The following TET2 variants were observed in gnomAD, a reference collection of about 807,000 sequenced individuals.
The protein encoded by TET2 is methylcytosine dioxygenase TET2.
A neutral mutation model predicts 142.9 loss-of-function variants in TET2; 299 were observed. The ratio of observed to expected loss-of-function variants is 2.09; its 90% CI spans 1.90 to 2.30. The LOEUF is 2.30. TET2 is among the 30% of genes most tolerant of loss of function. The probability of loss-of-function intolerance (pLI) is 0.00; values close to 1 mark genes in which losing one functional copy is unlikely to be tolerated. For synonymous variants in TET2, 819 were observed against 849.0 expected (o/e 0.96, Z 0.61); for missense variants, 2,418 against 2,378.0 (o/e 1.02, Z -0.35).
Position 105,276,595 on chromosome 4 carries a change from G to A in TET2, c.*76G>A. 7.0e-7 allele frequency: 1 copy of A among 1,433,514 alleles called. No homozygotes were observed. Among genetic ancestry groups the A allele is most frequent in the Non-Finnish European group, 9.3e-7 (1 of 1,075,814 alleles). The allele number at this position is 1,433,514 out of a possible 1,614,324, so 88.8% of individuals were successfully genotyped here. On this transcript the variant is annotated 3_prime_UTR_variant, in exon 11 of 11. Transcript: ENST00000380013. Reference sequence around the variant, plus strand: ...GTCAGTAGTATAGTTCTCATGACGTGGGCAGTGGGGAAAGGTCACAGTATT... The same window carrying A: ...GTCAGTAGTATAGTTCTCATGACGTAGGCAGTGGGGAAAGGTCACAGTATT...
chr4:105,154,976 G>GT (rs1723490215), intron 1 of TET2, among the ~76,000 whole-genome samples: 1 of 152,128 alleles, frequency 6.6e-6, no homozygotes, highest in South Asian at 2.1e-4. Context: ...AGTGAGCCAT[G>GT]TTGGTGCCCC....
At chr4:105,161,967 T>C (rs1050862220) in intron 1 of TET2, among the ~76,000 whole-genome samples, 4 of 152,230 alleles carry the variant, frequency 2.6e-5, no homozygotes, top group African/African-American at 9.6e-5. Context: ...ATATTTAAGC[T>C]GAATCCTCTT....
intron 8 of TET2, among the ~76,000 whole-genome samples, chr4:105,264,661 G>A (rs930870334): frequency 1.3e-5 from 2 of 152,180 alleles, no homozygotes; most frequent in African/African-American, 2.4e-5. Flanking sequence ...AAATGGATGA[G>A]ATGCTTCTGA....
chr4:105,234,578 A>G lies in TET2; in HGVS notation c.636A>G (p.Thr212=), dbSNP rs369549432. 1.1e-5 allele frequency: 18 copies of G among 1,614,054 alleles called. No individual in the cohort carries two copies. The highest frequency in any genetic ancestry group is 1.5e-5 in the Non-Finnish European group (18 of 1,180,034). The change falls in exon 3 of 11, where the codon ACA becomes ACG. Residue 212 remains threonine (T), a synonymous_variant. Coordinates refer to ENST00000380013, the MANE Select transcript of TET2 (RefSeq NM_001127208.3). ...CAGTGCTAATGCCTAATGGTGCTACAGTTTCTGCCTCTTCCGTGGAACACA... is the reference window on the plus strand; with the variant it reads ...CAGTGCTAATGCCTAATGGTGCTACGGTTTCTGCCTCTTCCGTGGAACACA... ...NKAVLMPNGA[T]VSASSVEHTH... is the part of the protein sequence containing the mutation.
At position 105,279,105 on chromosome 4, in the gene TET2, A is replaced by ATGTT. The variant is rs1731346069; in HGVS notation, c.*2589_*2592dup. On this transcript the variant is annotated 3_prime_UTR_variant, in exon 11 of 11. Coordinates refer to ENST00000380013, the MANE Select transcript of TET2 (RefSeq NM_001127208.3). The stretch of plus-strand genomic sequence containing the variant: ...GTCCAATTTGCAAACATTTCCAAAA[A>ATGTT]TGTTTGCTTTGCTTACAAACCACAT... 4.3e-6 allele frequency: 1 copy of ATGTT among 232,664 alleles called. No individual in the cohort carries two copies. Among genetic ancestry groups the ATGTT allele is most frequent in the South Asian group, 1.8e-4 (1 of 5,530 alleles). 14.4% of individuals were successfully genotyped at this position (232,664 alleles called of 1,614,324 possible).
At position 105,277,725 on chromosome 4, in the gene TET2, A is replaced by T. The variant is rs1331905968; in HGVS notation, c.*1206A>T. 2 of 227,988 alleles carry T rather than the reference A, an allele frequency of 8.8e-6. No individual in the cohort carries two copies. The highest frequency in any genetic ancestry group is 2.2e-5 in the African/African-American group (1 of 45,056). 14.1% of individuals were successfully genotyped at this position (227,988 alleles called of 1,614,324 possible). On this transcript the variant is annotated 3_prime_UTR_variant, in exon 11 of 11. Transcript: ENST00000380013. ...ACAGTTTTATACAAAATTGTATGAC[A>T]AGTTCATTGCTCAAAAATGTACAGT... is the stretch of plus-strand genomic sequence containing the variant.
At chr4:105,193,580 G>A (rs886178402) in intron 2 of TET2, among the ~76,000 whole-genome samples, 2 of 152,142 alleles carry the variant, frequency 1.3e-5, no homozygotes, top group Non-Finnish European at 2.9e-5. Context: ...ATTTTGTTAA[G>A]AGAGAAGGGA....
chr4:105,170,616 T>C lies in TET2; in HGVS notation c.-192-19744T>C, dbSNP rs894861619. On this transcript the variant is annotated intron_variant, in intron 1 of 10. Transcript: ENST00000380013. The stretch of plus-strand genomic sequence containing the variant: ...AAATTGAAGATAGATAAAATATCCA[T>C]TGATTATTTATAGGTGAAATTAGGC... Among the ~76,000 whole-genome samples, 11 of 152,312 alleles carry C rather than the reference T, an allele frequency of 7.2e-5. No individual in the cohort carries two copies. In the East Asian group the frequency reaches 2.1e-3, roughly 29 times the overall value.
chr4:105,252,563 G>A (rs1320219428), intron 6 of TET2, among the ~76,000 whole-genome samples: 1 of 152,150 alleles, frequency 6.6e-6, no homozygotes, highest in Non-Finnish European at 1.5e-5. Context: ...GACAGTAAGA[G>A]TAAGAAATAT....
intron 3 of TET2, chr4:105,239,137 T>C (rs556718953): frequency 4.2e-6 from 1 of 239,340 alleles, no homozygotes; most frequent in East Asian, 6.4e-5. Context: ...CAGTAAACTA[T>C]GTTGTAAAAA....
intron 6 of TET2, among the ~76,000 whole-genome samples, chr4:105,255,032 A>G (rs1044284657): frequency 3.9e-5 from 6 of 152,194 alleles, no homozygotes; most frequent in Non-Finnish European, 7.3e-5. Context: ...TTGTGAGGGC[A>G]GTGATTTTCC....
rs1352258641 is a variant in TET2, at chr4:105,243,740, C to T, written c.3765C>T (p.Tyr1255=). ...AGCTTACCGAGACGCTGAGGAAATA[C>T]GGCACGCTCACCAATCGCCGGTGTG... ...YSELTETLRK[Y]GTLTNRRCAL... The change falls in exon 6 of 11, where the codon TAC becomes TAT. Residue 1255 remains tyrosine (Y), a synonymous_variant. Coordinates refer to ENST00000380013, the MANE Select transcript of TET2 (RefSeq NM_001127208.3). The T allele has an allele frequency of 8.4e-6, 13 of 1,551,434 alleles. No individual in the cohort carries two copies. Among genetic ancestry groups the T allele is most frequent in the African/African-American group, 2.7e-5 (2 of 73,014 alleles).
intron 9 of TET2, among the ~76,000 whole-genome samples, chr4:105,272,320 T>C (rs1011263788): frequency 3.3e-5 from 5 of 152,182 alleles, no homozygotes; most frequent in Non-Finnish European, 5.9e-5. Flanking sequence ...CAGCTAACTG[T>C]TCCTGATAGA....
chr4:105,194,092 GTCTCCATACTGAGAC>G lies in TET2; in HGVS notation c.-47+3593_-47+3607del, dbSNP rs1725941598. Among the ~76,000 whole-genome samples, 3 of 151,950 alleles carry G rather than the reference GTCTCCATACTGAGAC, an allele frequency of 2.0e-5. No individual in the cohort carries two copies. The South Asian group carries it at 6.2e-4, about 32-fold the overall frequency. On this transcript the variant is annotated intron_variant, in intron 2 of 10. Transcript: ENST00000380013. ...TAGTATCTAACTTGGTCTAGCCCAG[GTCTCCATACTGAGAC>G]TCTCCTCCTGCTAATAAAAAAATAA...
In TET2 at chr4:105,275,056, C is replaced by T. The variant is rs370735654; in HGVS notation, c.4546C>T (p.Arg1516Ter). The T allele has an allele frequency of 2.1e-5, 32 of 1,525,494 alleles. No individual in the cohort carries two copies. The highest frequency in any genetic ancestry group is 1.7e-4 in the Middle Eastern group (1 of 5,782). 94.5% of individuals were successfully genotyped at this position (1,525,494 alleles called of 1,614,324 possible). Residue 1516 changes from arginine to a stop codon, truncating the protein, a stop_gained, in exon 11 of 11, where the codon CGA becomes TGA. Coordinates refer to ENST00000380013, the MANE Select transcript of TET2 (RefSeq NM_001127208.3). LOFTEE classifies it low-confidence loss of function (END_TRUNC). ...SQAKQLAELLRLSGPVMQQSQ... is the reference protein window; with the variant it reads ...SQAKQLAELL ...TCTTACCCTGTCCACAGAACTTTTGCGACTTTCAGGACCAGTCATGCAGCA... is the reference window on the plus strand; with the variant it reads ...TCTTACCCTGTCCACAGAACTTTTGTGACTTTCAGGACCAGTCATGCAGCA...
chr4:105,202,734 A>T (rs1379312547), intron 2 of TET2, among the ~76,000 whole-genome samples: 1 of 152,162 alleles, frequency 6.6e-6, no homozygotes, highest in Non-Finnish European at 1.5e-5. Context: ...CCTACTTTTC[A>T]TATCTGGCTT....
At chr4:105,176,573 A>G (rs1299371718) in intron 1 of TET2, among the ~76,000 whole-genome samples, 1 of 152,208 alleles carries the variant, frequency 6.6e-6, no homozygotes, top group Non-Finnish European at 1.5e-5. Flanking sequence ...TTTTGTATAA[A>G]TCTAACAGAA....
chr4:105,151,754 T>C (rs1723309330), intron 1 of TET2, among the ~76,000 whole-genome samples: 1 of 152,120 alleles, frequency 6.6e-6, no homozygotes, highest in African/African-American at 2.4e-5. Context: ...TGACTTGAAA[T>C]CATGTTCCAA....
chr4:105,169,661 A>G (rs1456730477), intron 1 of TET2, among the ~76,000 whole-genome samples: 2 of 152,198 alleles, frequency 1.3e-5, no homozygotes, highest in East Asian at 1.9e-4. Flanking sequence ...ACCTAAGCCA[A>G]TGTCTAGAAG....
Sources: gnomAD v4.1 joint callset for allele counts (sites outside exome capture counted in the v4.1 genomes callset) on GRCh38, gnomAD v4.1.1 for gene constraint, MANE v1.5 for transcripts, NCBI Gene and HGNC (gene_info 2026-07-23, HGNC 2026-07-21) for gene names.